GPR137C: variants seen among roughly 807,000 people sequenced by gnomAD.
The protein encoded by GPR137C is integral membrane protein GPR137C.
GPR137C carries 27 observed loss-of-function variants against 43.4 expected under a neutral mutation model. The observed-to-expected ratio is 0.62, with a 90% confidence interval of 0.46 to 0.86. GPR137C has a LOEUF of 0.86. GPR137C is among the 40% of genes least tolerant of loss of function. The pLI, the probability that GPR137C is intolerant of heterozygous loss-of-function variation, is 0.00. For synonymous variants in GPR137C, 285 were observed against 226.9 expected (o/e 1.26, Z -2.30); for missense variants, 522 against 534.6 (o/e 0.98, Z 0.23).
chr14:52,560,515 A>G (rs2038265808), intron 1 of GPR137C, among the ~76,000 whole-genome samples: 1 of 152,180 alleles, frequency 6.6e-6, no homozygotes. Context: ...AGTAACTGTA[A>G]AGCTACAGTA....
intron 1 of GPR137C, among the ~76,000 whole-genome samples, chr14:52,577,556 A>C (rs73306937): frequency 0.037 from 5,525 of 149,314 alleles, 321 homozygotes; most frequent in African/African-American, 0.13. Context: ...AATGAAATGA[A>C]AAGTTGATTC....
intron 1 of GPR137C, among the ~76,000 whole-genome samples, chr14:52,593,777 C>T (rs10148218): frequency 0.17 from 20,224 of 118,906 alleles, 1,427 homozygotes; most frequent in Admixed American, 0.18. Context: ...TTTCAAAAAA[C>T]CAGCTCCTGG....
At chr14:52,573,186 T>C (rs2038498338) in intron 1 of GPR137C, among the ~76,000 whole-genome samples, 1 of 152,196 alleles carries the variant, frequency 6.6e-6, no homozygotes, top group Admixed American at 6.5e-5. Flanking sequence ...CCCATCAAGC[T>C]ACCATTGACT....
At chr14:52,575,114 C>G (rs1029143212) in intron 1 of GPR137C, among the ~76,000 whole-genome samples, 1 of 152,116 alleles carries the variant, frequency 6.6e-6, no homozygotes, top group Admixed American at 6.6e-5. Flanking sequence ...TTATAGTAAA[C>G]TAATGAACAG....
intron 3 of GPR137C, among the ~76,000 whole-genome samples, chr14:52,630,851 G>C (rs2039286475): frequency 6.6e-6 from 1 of 152,112 alleles, no homozygotes; most frequent in Non-Finnish European, 1.5e-5. Flanking sequence ...TAAAAGGAGA[G>C]CAATTAATAA....
intron 3 of GPR137C, chr14:52,613,453 T>A (rs879311458): frequency 6.5e-6 from 1 of 152,920 alleles, no homozygotes; most frequent in African/African-American, 2.4e-5. Context: ...ATTAATTCTT[T>A]CTAACTACTT....
chr14:52,610,771 A>G (rs1309002359), intron 3 of GPR137C, among the ~76,000 whole-genome samples: 3 of 152,188 alleles, frequency 2.0e-5, no homozygotes, highest in African/African-American at 7.2e-5. Context: ...TAGTAACCAA[A>G]TAAGCCTTCA....
At chr14:52,570,632 A>AAATAAAGGGATGGAGGAATATTTAC (rs1266677373) in intron 1 of GPR137C, among the ~76,000 whole-genome samples, 2 of 152,198 alleles carry the variant, frequency 1.3e-5, no homozygotes, top group Non-Finnish European at 2.9e-5. Flanking sequence ...TATAGGCTAA[A>AAATAAAGGGATGGAGGAATATTTAC]AATAAAGGGA....
At chr14:52,580,828 ATATT>A (rs1408158215) in intron 1 of GPR137C, among the ~76,000 whole-genome samples, 2 of 147,596 alleles carry the variant, frequency 1.4e-5, no homozygotes, top group African/African-American at 2.5e-5. Flanking sequence ...TTATATAATA[ATATT>A]TATATGTATA....
intron 3 of GPR137C, among the ~76,000 whole-genome samples, chr14:52,625,574 A>G (rs1308652957): frequency 6.1e-5 from 3 of 48,928 alleles, no homozygotes; most frequent in African/African-American, 1.4e-4. Context: ...TTTTTTTTTG[A>G]GACGGAGTCT....
chr14:52,584,852 C>T (rs942772708), intron 1 of GPR137C, among the ~76,000 whole-genome samples: 2 of 152,144 alleles, frequency 1.3e-5, no homozygotes, highest in Non-Finnish European at 2.9e-5. Context: ...CCTCTTACCT[C>T]AGCCTCCCAA....
chr14:52,615,871 G>T (rs2039093064), intron 3 of GPR137C, among the ~76,000 whole-genome samples: 1 of 152,028 alleles, frequency 6.6e-6, no homozygotes, highest in East Asian at 1.9e-4. Context: ...GCTGTGATTT[G>T]ATTCTTTTTC....
At chr14:52,604,043 G>A (rs1029924669) in intron 3 of GPR137C, among the ~76,000 whole-genome samples, 9 of 151,960 alleles carry the variant, frequency 5.9e-5, no homozygotes, top group Non-Finnish European at 2.9e-5. Context: ...TTAACTGTTG[G>A]CCATTTGTAT....
chr14:52,582,783 G>A (rs1471150582), intron 1 of GPR137C, among the ~76,000 whole-genome samples: 2 of 151,882 alleles, frequency 1.3e-5, no homozygotes, highest in East Asian at 3.8e-4. Flanking sequence ...AACAGAGTGA[G>A]ACTCTGTCTC....
Position 52,553,244 on chromosome 14 carries a change from G to T in GPR137C, c.97G>T (p.Val33Phe). The change falls in exon 1 of 7, where the codon GTC (valine) becomes TTC (phenylalanine). Residue 33 changes from valine to phenylalanine, a missense_variant. Physicochemically the swap from Val to Phe is conservative, Grantham distance 50 (BLOSUM62 -1). Around this residue, in one of 3 missense-constraint regions of GPR137C, gnomAD observed 437 missense variants for 425.7 expected, o/e 1.03. Coordinates refer to ENST00000321662, the MANE Select transcript of GPR137C (RefSeq NM_001099652.2). ...PGGGSGGGGA[V>F]AAASGAAVPG... ...CGGGGGCAGCGGAGGCGGAGGCGCCGTCGCTGCAGCCTCAGGCGCCGCGGT... is the reference window on the plus strand; with the variant it reads ...CGGGGGCAGCGGAGGCGGAGGCGCCTTCGCTGCAGCCTCAGGCGCCGCGGT... 1 of 1,306,588 alleles carries T rather than the reference G, an allele frequency of 7.7e-7. No homozygotes were observed. The highest frequency in any genetic ancestry group is 9.7e-7 in the Non-Finnish European group (1 of 1,027,624). The allele number at this position is 1,306,588 out of a possible 1,614,324, so 80.9% of individuals were successfully genotyped here. A position where few individuals can be genotyped will look rare whatever the true frequency, so the allele number is the denominator to read the frequency against.
chr14:52,611,023 G>A (rs1167687474), intron 3 of GPR137C, among the ~76,000 whole-genome samples: 1 of 151,950 alleles, frequency 6.6e-6, no homozygotes, highest in Non-Finnish European at 1.5e-5. Flanking sequence ...ATTCTTATTG[G>A]ATTTTGCCAT....
At chr14:52,596,545 C>A (rs113791958) in intron 1 of GPR137C, among the ~76,000 whole-genome samples, 2,765 of 152,336 alleles carry the variant, frequency 0.018, 38 homozygotes, top group Non-Finnish European at 0.026. Context: ...GCCCCTCCCC[C>A]TGCTGGGCTG....
intron 2 of GPR137C, among the ~76,000 whole-genome samples, 166 bp downstream of exon 2, chr14:52,598,481 T>C (rs1486242563): frequency 1.3e-5 from 2 of 152,108 alleles, no homozygotes; most frequent in Non-Finnish European, 2.9e-5. Context: ...GAAAACCAAG[T>C]TGTTAGATTG....
At position 52,554,373 on chromosome 14, in the gene GPR137C, A is replaced by G. The variant is rs1323135899; in HGVS notation, c.444+782A>G. Among the ~76,000 whole-genome samples the G allele has an allele frequency of 6.6e-5, 10 of 152,340 alleles. No homozygotes were observed. In the East Asian group the frequency reaches 1.9e-3, roughly 29 times the overall value. On this transcript the variant is annotated intron_variant, in intron 1 of 6. Transcript: ENST00000321662. ...AACTGTTTTTGCAATAACTTGCTTA[A>G]TATCTGGAACCTAATCACACCCCCT...
Sources: allele counts gnomAD v4.1 joint callset (sites outside exome capture counted in the v4.1 genomes callset), GRCh38; gene constraint gnomAD v4.1.1; regional missense constraint gnomAD v4.1.1; transcripts MANE v1.5; gene names NCBI Gene and HGNC (gene_info 2026-07-23, HGNC 2026-07-21).